OPCML: variants seen among roughly 807,000 people sequenced by gnomAD.
OPCML encodes opioid-binding protein/cell adhesion molecule.
In OPCML, 13 loss-of-function variants were observed where a neutral mutation model predicts 37.8. That is an observed-to-expected ratio of 0.34 (90% CI 0.22 to 0.55). The LOEUF is 0.55. OPCML is among the 20% of genes least tolerant of loss of function. OPCML has a pLI of 0.91. For missense variants in OPCML, 341 were observed against 435.6 expected, an observed-to-expected ratio of 0.78 and a Z score of 1.93; for synonymous variants, 176 against 168.8, an observed-to-expected ratio of 1.04 and a Z score of -0.33.
intron 4 of OPCML, among the ~76,000 whole-genome samples, chr11:132,441,019 C>A (rs958788081): frequency 6.6e-6 from 1 of 151,224 alleles, no homozygotes; most frequent in Non-Finnish European, 1.5e-5. Context: ...GGAAGGAAAA[C>A]GGGCAGGGAG....
intron 1 of OPCML, among the ~76,000 whole-genome samples, chr11:133,404,932 G>A (rs1169370575): frequency 1.3e-5 from 2 of 152,136 alleles, no homozygotes; most frequent in Non-Finnish European, 2.9e-5. Context: ...AGAAATTATG[G>A]GAATCATAGC....
rs377344413 is a variant in OPCML, at chr11:132,643,867, T to C, written c.379+13220A>G. On this transcript the variant is annotated intron_variant, in intron 3 of 7. Transcript: ENST00000524381. The stretch of plus-strand genomic sequence containing the variant: ...TGTTTTGCTAATTGTAAATCACATA[T>C]GAAATCTACATCCTGAATCAAAAAA... 1.4e-4 allele frequency among the ~76,000 whole-genome samples: 22 copies of C among 152,320 alleles called. No individual in the cohort carries two copies. In the South Asian group the frequency reaches 4.3e-3, roughly 30 times the overall value.
At chr11:132,614,803 T>C (rs144245981) in intron 3 of OPCML, among the ~76,000 whole-genome samples, 2 of 152,338 alleles carry the variant, frequency 1.3e-5, no homozygotes, top group Admixed American at 6.5e-5. Context: ...AATTCAGACA[T>C]ATAGAAACAA....
chr11:133,308,696 T>C (rs1462851745), intron 1 of OPCML, among the ~76,000 whole-genome samples: 2 of 152,080 alleles, frequency 1.3e-5, no homozygotes, highest in Non-Finnish European at 2.9e-5. Flanking sequence ...CTAAATACCA[T>C]TCATCAGTAC....
intron 3 of OPCML, among the ~76,000 whole-genome samples, chr11:132,580,719 T>C (rs1425947066): frequency 6.6e-6 from 1 of 152,162 alleles, no homozygotes; most frequent in Non-Finnish European, 1.5e-5. Context: ...TTCTTACACC[T>C]ATGGTTCTAT....
In OPCML at chr11:132,416,015, C is replaced by T. The variant is rs3740700; in HGVS notation, c.*4178G>A. The T allele has an allele frequency of 1.3e-5, 2 of 152,628 alleles. No individual in the cohort carries two copies. Among genetic ancestry groups the T allele is most frequent in the East Asian group, 3.9e-4 (2 of 5,170 alleles). 9.5% of individuals were successfully genotyped at this position (152,628 alleles called of 1,614,324 possible). On this transcript the variant is annotated 3_prime_UTR_variant, in exon 8 of 8. Coordinates refer to ENST00000524381, the MANE Select transcript of OPCML (RefSeq NM_001012393.5). Reference sequence around the variant, plus strand: ...GTCTTCAAGTAAAAAGACAGGGAAGCTCTGAATAATAGGAGGGGAGGCAAT... The same window carrying T: ...GTCTTCAAGTAAAAAGACAGGGAAGTTCTGAATAATAGGAGGGGAGGCAAT...
At chr11:133,017,727 T>TATGACACAGATGCTCATTA (rs1947361148) in intron 1 of OPCML, among the ~76,000 whole-genome samples, 1 of 152,212 alleles carries the variant, frequency 6.6e-6, no homozygotes, top group African/African-American at 2.4e-5. Context: ...GATGCTTATT[T>TATGACACAGATGCTCATTA]ATGATACAGA....
intron 3 of OPCML, among the ~76,000 whole-genome samples, chr11:132,632,402 C>T (rs540064325): frequency 2.6e-5 from 4 of 151,990 alleles, no homozygotes; most frequent in South Asian, 2.1e-4. Context: ...CTCTGTGACA[C>T]GAGAAGAGGA....
intron 1 of OPCML, among the ~76,000 whole-genome samples, chr11:133,291,146 C>T (rs920981641): frequency 5.3e-5 from 8 of 152,354 alleles, no homozygotes; most frequent in South Asian, 4.1e-4. Context: ...AGACAAAAAC[C>T]TGGGTTCTAA....
At chr11:133,426,386 AAC>A (rs566561604) in intron 1 of OPCML, among the ~76,000 whole-genome samples, 4 of 151,926 alleles carry the variant, frequency 2.6e-5, no homozygotes, top group Non-Finnish European at 4.4e-5. Context: ...GGAAAAAAGA[AAC>A]ACACACACAC....
At chr11:133,488,912 C>G (rs1057480481) in intron 1 of OPCML, among the ~76,000 whole-genome samples, 4 of 95,950 alleles carry the variant, frequency 4.2e-5, no homozygotes, top group Admixed American at 3.3e-4. Context: ...ACCCACCCCC[C>G]ACCCCCAAAA....
chr11:133,332,813 C>G (rs754197696), intron 1 of OPCML, among the ~76,000 whole-genome samples: 4 of 152,096 alleles, frequency 2.6e-5, no homozygotes, highest in Non-Finnish European at 4.4e-5. Flanking sequence ...TCTACTTGAT[C>G]ATGGTGGATT....
chr11:132,641,026 T>C (rs531462736), intron 3 of OPCML, among the ~76,000 whole-genome samples: 1 of 152,296 alleles, frequency 6.6e-6, no homozygotes, highest in South Asian at 2.1e-4. Context: ...CAGTATCCTC[T>C]GGTCTCTCCC....
intron 1 of OPCML, among the ~76,000 whole-genome samples, chr11:133,351,384 A>C (rs960892076): frequency 1.3e-5 from 2 of 152,194 alleles, no homozygotes; most frequent in African/African-American, 4.8e-5. Context: ...GCCAAAAGTC[A>C]TTTCATCTTC....
chr11:132,970,163 C>A (rs1458536142), intron 1 of OPCML, among the ~76,000 whole-genome samples: 1 of 152,138 alleles, frequency 6.6e-6, no homozygotes, highest in Non-Finnish European at 1.5e-5. Context: ...CCAAGTGCAT[C>A]GAGGCCCCTC....
At chr11:133,375,761 A>G (rs1944789040) in intron 1 of OPCML, among the ~76,000 whole-genome samples, 1 of 152,140 alleles carries the variant, frequency 6.6e-6, no homozygotes. Flanking sequence ...CTGTCTATTC[A>G]AGCTGTCAGC....
chr11:133,505,005 T>A (rs2120571263), intron 1 of OPCML, among the ~76,000 whole-genome samples: 1 of 152,288 alleles, frequency 6.6e-6, no homozygotes, highest in African/African-American at 2.4e-5. Flanking sequence ...GGAAGATGAA[T>A]GTAGCAGGCA....
chr11:133,317,577 G>A (rs1004102303), intron 1 of OPCML, among the ~76,000 whole-genome samples: 51 of 152,172 alleles, frequency 3.4e-4, no homozygotes, highest in African/African-American at 2.4e-4. Flanking sequence ...AGTTGTTGTC[G>A]TAGTAGTCGC....
At chr11:133,176,182 T>C (rs1159480234) in intron 1 of OPCML, among the ~76,000 whole-genome samples, 2 of 151,962 alleles carry the variant, frequency 1.3e-5, no homozygotes, top group Non-Finnish European at 2.9e-5. Flanking sequence ...AACTCTTGGG[T>C]GGAATTTAAA....
Sources: gnomAD v4.1 joint callset for allele counts (sites outside exome capture counted in the v4.1 genomes callset) on GRCh38, gnomAD v4.1.1 for gene constraint, MANE v1.5 for transcripts, NCBI Gene and HGNC (gene_info 2026-07-23, HGNC 2026-07-21) for gene names.